Variants in PKN3 observed in about 807,000 individuals in gnomAD.
The protein encoded by PKN3 is protein kinase N3, also known as serine/threonine-protein kinase N3.
Under a neutral mutation model 113.1 loss-of-function variants are expected in PKN3, and 91 were observed. The ratio of observed to expected loss-of-function variants is 0.80; its 90% CI spans 0.68 to 0.96. The LOEUF is 0.96. PKN3 is among the 40% of genes least tolerant of loss of function. PKN3 has a pLI of 0.00. For synonymous variants in PKN3, 467 were observed against 499.0 expected (o/e 0.94, Z 0.85); for missense variants, 1,052 against 1,202.2 (o/e 0.88, Z 1.85).
At chr9:128,711,360 G>T (rs1862170600) in intron 6 of PKN3, among the ~76,000 whole-genome samples, 1 of 146,642 alleles carries the variant, frequency 6.8e-6, no homozygotes, top group East Asian at 2.0e-4. Context: ...AGGCCGGATT[G>T]CAGTGGTGTG....
In PKN3 at chr9:128,707,263, C is replaced by G; in HGVS notation, c.693C>G (p.Leu231=). 1 of 1,612,594 alleles carries G rather than the reference C, an allele frequency of 6.2e-7. No individual in the cohort carries two copies. Among genetic ancestry groups the G allele is most frequent in the South Asian group, 1.1e-5 (1 of 90,948 alleles). ...QLQESSQKLD[L]LRLALEQLLE... ...AGGAGTCCTCTCAGAAACTGGACCTCCTGCGCCTGGCCTTGGAGCAGCTGC... is the reference window on the plus strand; with the variant it reads ...AGGAGTCCTCTCAGAAACTGGACCTGCTGCGCCTGGCCTTGGAGCAGCTGC... Residue 231 remains leucine, a synonymous_variant, in exon 6 of 22, where the codon CTC becomes CTG. Transcript: ENST00000291906.
chr9:128,713,657 C>T lies in PKN3; in HGVS notation c.1236+15C>T, dbSNP rs201758226. On this transcript the variant is annotated intron_variant, in intron 9 of 21. Coordinates refer to ENST00000291906, the MANE Select transcript of PKN3 (RefSeq NM_013355.5). Reference sequence around the variant, plus strand: ...TTTTTGCCCAGGTGCTCACCACCTCCGCCCTCTGACTTGGTGGGACCCTGG... The same window carrying T: ...TTTTTGCCCAGGTGCTCACCACCTCTGCCCTCTGACTTGGTGGGACCCTGG... 32 of 1,612,852 alleles carry T rather than the reference C, an allele frequency of 2.0e-5. No homozygotes were observed. The highest frequency in any genetic ancestry group is 1.5e-4 in the South Asian group (14 of 91,038).
At chr9:128,708,935 T>G (rs901063191) in intron 6 of PKN3, among the ~76,000 whole-genome samples, 1 of 151,824 alleles carries the variant, frequency 6.6e-6, no homozygotes, top group African/African-American at 2.4e-5. Flanking sequence ...GTGGATCACT[T>G]GAGTCCAGGA....
Position 128,706,736 on chromosome 9 carries a change from C to T in PKN3, c.435C>T (p.Ala145=). 1 of 1,595,326 alleles carries T rather than the reference C, an allele frequency of 6.3e-7. No individual in the cohort carries two copies. Among genetic ancestry groups the T allele is most frequent in the Non-Finnish European group, 8.5e-7 (1 of 1,170,614 alleles). Residue 145 remains alanine (A), a synonymous_variant, in exon 4 of 22, where the codon GCC becomes GCT. Transcript: ENST00000291906. ...AGGAGAGGAAGCTCCTGGCAGCTGCCCAGCAGATGCTGCGGGACAGCCAGC... is the reference window on the plus strand; with the variant it reads ...AGGAGAGGAAGCTCCTGGCAGCTGCTCAGCAGATGCTGCGGGACAGCCAGC... ...TPKERKLLAA[A]QQMLRDSQLK... is the part of the protein sequence containing the mutation.
rs777851079 is a variant in PKN3, at chr9:128,718,315, AC to A, written c.1986-6del. ...CTTGGGCCTGAGTTCTCCCATAACC[AC>A]CCCTGCAGCTTCTACGTGGCTTGTG... On this transcript the variant is annotated splice_polypyrimidine_tract_variant and intron_variant, in intron 16 of 21. Transcript: ENST00000291906. 3 of 1,607,920 alleles carry A rather than the reference AC, an allele frequency of 1.9e-6. No homozygotes were observed. In the South Asian group the frequency reaches 3.3e-5, roughly 18 times the overall value.
rs750509484 is a variant in PKN3 at position 128,705,451 on chromosome 9, G to C, written c.173G>C (p.Arg58Pro). The change falls in exon 2 of 22, where the codon CGG becomes CCG. Residue 58 changes from arginine to proline, a missense_variant. Around this residue, in one of 2 missense-constraint regions of PKN3, gnomAD observed 719 missense variants for 759.4 expected, o/e 0.95. Transcript: ENST00000291906. ...RHLGHVQQLL[R>P]SSNRRLEQLH... The stretch of plus-strand genomic sequence containing the variant: ...TTGGGCCATGTGCAGCAGCTGCTGC[G>C]GTCCTCCAACCGCCGCCTGGAGCAG... 1 of 1,578,194 alleles carries C rather than the reference G, an allele frequency of 6.3e-7. No individual in the cohort carries two copies. The highest frequency in any genetic ancestry group is 8.6e-7 in the Non-Finnish European group (1 of 1,162,804).
At chr9:128,713,747 A>C in intron 9 of PKN3, 105 bp downstream of exon 9, 1 of 1,188,640 alleles carries the variant, frequency 8.4e-7, no homozygotes, top group Non-Finnish European at 1.2e-6. Context: ...ACTGACGACC[A>C]GAGAGGAGGG....
At chr9:128,704,057 G>T in intron 1 of PKN3, 2 of 864,074 alleles carry the variant, frequency 2.3e-6, no homozygotes, top group South Asian at 1.2e-4. Context: ...GCTGAGGTCT[G>T]GGGTGGGGGG....
rs769810526 is a variant in PKN3 at position 128,718,320 on chromosome 9, T to G, written c.1986-5T>G. On this transcript the variant is annotated splice_region_variant and splice_polypyrimidine_tract_variant and intron_variant, in intron 16 of 21. Transcript: ENST00000291906. ...GCCTGAGTTCTCCCATAACCACCCC[T>G]GCAGCTTCTACGTGGCTTGTGTTGT... is the stretch of plus-strand genomic sequence containing the variant. 3 of 1,613,460 alleles carry G rather than the reference T, an allele frequency of 1.9e-6. No homozygotes were observed. Among genetic ancestry groups the G allele is most frequent in the East Asian group, 2.2e-5 (1 of 44,858 alleles).
chr9:128,703,203 G>A (rs1452723686), intron 1 of PKN3, among the ~76,000 whole-genome samples: 2 of 152,356 alleles, frequency 1.3e-5, no homozygotes, highest in African/African-American at 4.8e-5. Context: ...GAGCGAGGAC[G>A]GCTGAGTCCG....
Position 128,718,337 on chromosome 9 carries a change from TTG to T in PKN3, c.2002_2003del (p.Val668CysfsTer21), listed in dbSNP as rs1376959422. The T allele has an allele frequency of 6.2e-7, 1 of 1,613,956 alleles. No individual in the cohort carries two copies. Among genetic ancestry groups the T allele is most frequent in the Admixed American group, 1.7e-5 (1 of 60,006 alleles). ...PEPQARFYVA[C>X]VVLGLQFLHE... ...ACCACCCCTGCAGCTTCTACGTGGC[TTG>T]TGTTGTCCTGGGGCTGCAGTTCTTA... On this transcript the variant is annotated frameshift_variant, in exon 17 of 22. Coordinates refer to ENST00000291906, the MANE Select transcript of PKN3 (RefSeq NM_013355.5). LOFTEE classifies it high-confidence loss of function.
chr9:128,719,838 G>A lies in PKN3; in HGVS notation c.2268+10G>A, dbSNP rs1404791331. On this transcript the variant is annotated intron_variant, in intron 19 of 21. Transcript: ENST00000291906. ...GATGCTGGTGGGTGAGGTGAGTGCT[G>A]GAGCCTGTTTCCTGGGCCTCTGGGT... The A allele has an allele frequency of 6.2e-7, 1 of 1,610,558 alleles. No homozygotes were observed.
chr9:128,716,778 G>T lies in PKN3; in HGVS notation c.1840G>T (p.Val614Leu). 1 of 1,614,006 alleles carries T rather than the reference G, an allele frequency of 6.2e-7. No individual in the cohort carries two copies. The highest frequency in any genetic ancestry group is 8.5e-7 in the Non-Finnish European group (1 of 1,179,942). ...CTGCGAGAAGCGGATCCTGGAGGCT[G>T]TGGGCTGCACAGGGCACCCTTTCCT... ...LYCEKRILEA[V>L]GCTGHPFLLS... The change falls in exon 16 of 22, where the codon GTG becomes TTG. Residue 614 changes from valine to leucine, a missense_variant. Around this residue, in one of 2 missense-constraint regions of PKN3, gnomAD observed 333 missense variants for 442.8 expected, o/e 0.75. Transcript: ENST00000291906.
rs1276721705 is a variant in PKN3 at position 128,720,427 on chromosome 9, A to C, written c.2491A>C (p.Ile831Leu). 1 of 1,612,996 alleles carries C rather than the reference A, an allele frequency of 6.2e-7. No individual in the cohort carries two copies. The highest frequency in any genetic ancestry group is 1.3e-5 in the African/African-American group (1 of 74,834). ...CTGGCAAGCCCTGCTCGCCCGCACC[A>C]TCCAGCCCCCCTTCGTGCCTACCCT... ...TNWQALLARTIQPPFVPTLCG... is the reference protein window; with the variant it reads ...TNWQALLARTLQPPFVPTLCG... Residue 831 changes from isoleucine to leucine, a missense_variant, in exon 22 of 22, where the codon ATC becomes CTC. Ile to Leu is a conservative substitution (Grantham distance 5, BLOSUM62 2). Around this residue, in one of 2 missense-constraint regions of PKN3, gnomAD observed 333 missense variants for 442.8 expected, o/e 0.75. Coordinates refer to ENST00000291906, the MANE Select transcript of PKN3 (RefSeq NM_013355.5). This position sits in a 1 kb window ranked among gnomAD's most constrained non-coding sequence, Gnocchi z 5.5.
intron 8 of PKN3, 27 bp from the exon 9 acceptor site, chr9:128,713,472 C>A (rs1479625283): frequency 6.2e-7 from 1 of 1,613,784 alleles, no homozygotes. Flanking sequence ...CTGCACCCCA[C>A]CCTTCAGCCT....
At chr9:128,717,214 C>T (rs1862371085) in intron 16 of PKN3, among the ~76,000 whole-genome samples, 3 of 140,624 alleles carry the variant, frequency 2.1e-5, no homozygotes, top group South Asian at 2.3e-4. Flanking sequence ...CCACAACCTC[C>T]GCCTCCCTGG....
rs138611201 is a variant in PKN3, at chr9:128,707,374, A to G, written c.804A>G (p.Ser268=). ...RAAVPGYPQP[S]GTPVKPTALT... ...CGGTGCCTGGATACCCCCAGCCTTCAGGGACACCTGTGAAGCCCACCGCCC... is the reference window on the plus strand; with the variant it reads ...CGGTGCCTGGATACCCCCAGCCTTCGGGGACACCTGTGAAGCCCACCGCCC... The change falls in exon 6 of 22, where the codon TCA becomes TCG. Residue 268 remains serine (S), a synonymous_variant. Coordinates refer to ENST00000291906, the MANE Select transcript of PKN3 (RefSeq NM_013355.5). The G allele has an allele frequency of 1.1e-5, 18 of 1,612,370 alleles. No individual in the cohort carries two copies. In the African/African-American group the frequency reaches 1.5e-4, roughly 13 times the overall value.
chr9:128,716,297 CAAAAA>C (rs35693710), intron 15 of PKN3, among the ~76,000 whole-genome samples: 3 of 98,618 alleles, frequency 3.0e-5, no homozygotes, highest in African/African-American at 3.8e-5. Context: ...GACCCTGTCT[CAAAAA>C]AAAAAAAAAA....
chr9:128,708,703 C>A (rs2132296252), intron 6 of PKN3, among the ~76,000 whole-genome samples: 1 of 151,006 alleles, frequency 6.6e-6, no homozygotes, highest in Non-Finnish European at 1.5e-5. Context: ...ATTAGCCGGG[C>A]GTGGTGGCGC....
Sources: allele counts gnomAD v4.1 joint callset (sites outside exome capture counted in the v4.1 genomes callset), GRCh38; gene constraint gnomAD v4.1.1; regional missense constraint gnomAD v4.1.1; non-coding constraint Gnocchi (gnomAD v3.1); transcripts MANE v1.5; gene names NCBI Gene and HGNC (gene_info 2026-07-23, HGNC 2026-07-21).